Variants in RBL2 observed in about 807,000 individuals in gnomAD.
The protein encoded by RBL2 is RB transcriptional corepressor like 2.
A neutral mutation model predicts 126.0 loss-of-function variants in RBL2; 56 were observed. That is an observed-to-expected ratio of 0.44 (90% CI 0.36 to 0.56). The LOEUF is 0.56. Ranked by LOEUF, RBL2 falls within the 20% of genes least tolerant of loss-of-function variation. The probability of loss-of-function intolerance (pLI) is 0.00; values close to 1 mark genes in which losing one functional copy is unlikely to be tolerated. For missense variants in RBL2, 1,229 were observed against 1,398.2 expected (o/e 0.88, Z 1.93); for synonymous variants, 454 against 478.5 (o/e 0.95, Z 0.67).
intron 21 of RBL2, 149 bp downstream of exon 21, chr16:53,481,984 G>C (rs1960971344): frequency 1.5e-6 from 1 of 650,076 alleles, no homozygotes; most frequent in African/African-American, 2.0e-5. Context: ...AAAACCCAGG[G>C]TTTGTTTTGT....
intron 21 of RBL2, among the ~76,000 whole-genome samples, chr16:53,482,254 C>T (rs1224576629): frequency 6.6e-6 from 1 of 152,114 alleles, no homozygotes; most frequent in African/African-American, 2.4e-5. Context: ...CATTGCAGTG[C>T]AATAGTCATA....
In RBL2 at chr16:53,437,179, T is replaced by C. The variant is rs1403502874; in HGVS notation, c.241-1837T>C. Among the ~76,000 whole-genome samples, 6 of 152,326 alleles carry C rather than the reference T, an allele frequency of 3.9e-5. No individual in the cohort carries two copies. In the East Asian group the frequency reaches 1.2e-3, roughly 29 times the overall value. On this transcript the variant is annotated intron_variant, in intron 1 of 21. Transcript: ENST00000262133. ...TAATGCTGTGACCGACTTAACTTTA[T>C]GCTTTCTAAGAGATATTGATATAGT... is the stretch of plus-strand genomic sequence containing the variant.
intron 8 of RBL2, among the ~76,000 whole-genome samples, chr16:53,459,203 T>G (rs1181900665): frequency 6.6e-6 from 1 of 152,184 alleles, no homozygotes; most frequent in African/African-American, 2.4e-5. Flanking sequence ...AGACAAACTT[T>G]TAGTTAGCTA....
chr16:53,484,317 G>A (rs986645589), intron 21 of RBL2, among the ~76,000 whole-genome samples: 31 of 152,154 alleles, frequency 2.0e-4, no homozygotes, highest in African/African-American at 7.0e-4. Flanking sequence ...CTCAAAAGGT[G>A]GCTTAAAAAG....
chr16:53,451,653 G>A (rs778164259), intron 4 of RBL2, 50 bp from the exon 5 acceptor site: 3 of 1,573,210 alleles, frequency 1.9e-6, no homozygotes, highest in Non-Finnish European at 1.7e-6. Context: ...TTTTAAAAAT[G>A]TTACAAAGTC....
chr16:53,441,238 G>A (rs994481953), intron 2 of RBL2, among the ~76,000 whole-genome samples: 11 of 152,106 alleles, frequency 7.2e-5, no homozygotes, highest in African/African-American at 2.7e-4. Context: ...GGGATTACAG[G>A]CATGAGCCAC....
intron 19 of RBL2, 64 bp from the exon 20 acceptor site, chr16:53,480,503 A>G (rs1051680761): frequency 1.4e-6 from 2 of 1,417,964 alleles, no homozygotes; most frequent in African/African-American, 2.9e-5. Flanking sequence ...TCCTACTTTT[A>G]AAAAATTAAA....
chr16:53,445,697 C>T (rs1037877085), intron 3 of RBL2: 2 of 152,206 alleles, frequency 1.3e-5, no homozygotes, highest in East Asian at 3.8e-4. Context: ...ATTTGTTTAG[C>T]ACTTATCCAC....
chr16:53,455,714 C>G (rs191565856), intron 8 of RBL2, among the ~76,000 whole-genome samples: 1 of 152,028 alleles, frequency 6.6e-6, no homozygotes, highest in Non-Finnish European at 1.5e-5. Flanking sequence ...TGTCACACAC[C>G]AGAAGTAAGT....
intron 11 of RBL2, 30 bp downstream of exon 11, chr16:53,462,685 C>T (rs777076626): frequency 3.7e-6 from 5 of 1,369,230 alleles, no homozygotes; most frequent in South Asian, 2.6e-5. Flanking sequence ...TATTGATCAG[C>T]GCAATGAAAC....
At chr16:53,445,032 A>G (rs1409259068) in intron 3 of RBL2, among the ~76,000 whole-genome samples, 1 of 152,110 alleles carries the variant, frequency 6.6e-6, no homozygotes, top group African/African-American at 2.4e-5. Flanking sequence ...ATTCTAATTA[A>G]GAGAATTTTA....
chr16:53,471,369 A>AT (rs1265408232), intron 17 of RBL2, among the ~76,000 whole-genome samples: 2 of 152,244 alleles, frequency 1.3e-5, no homozygotes, highest in African/African-American at 4.8e-5. Flanking sequence ...CAGCAGTATA[A>AT]TAAAGATTTT....
At chr16:53,448,184 G>T (rs1412091824) in intron 4 of RBL2, among the ~76,000 whole-genome samples, 1 of 151,620 alleles carries the variant, frequency 6.6e-6, no homozygotes, top group African/African-American at 2.4e-5. Context: ...TTGAGATGGA[G>T]TCTCACTCTG....
chr16:53,437,820 G>T (rs898940850), intron 1 of RBL2, among the ~76,000 whole-genome samples: 1 of 151,974 alleles, frequency 6.6e-6, no homozygotes, highest in African/African-American at 2.4e-5. Flanking sequence ...GAGGTCAGGA[G>T]ATCAAGACCA....
intron 4 of RBL2, among the ~76,000 whole-genome samples, chr16:53,447,510 G>C (rs9938788): frequency 0.49 from 73,692 of 151,774 alleles, 18,708 homozygotes; most frequent in Middle Eastern, 0.62. Context: ...ATCTTGTTCA[G>C]ATAAGTATAC....
intron 2 of RBL2, among the ~76,000 whole-genome samples, chr16:53,442,284 T>C (rs1025603626): frequency 7.9e-5 from 12 of 152,146 alleles, no homozygotes; most frequent in Admixed American, 7.2e-4. Flanking sequence ...CCAACATGGG[T>C]GATAGAACGA....
At chr16:53,442,542 A>T in intron 2 of RBL2, 116 bp from the exon 3 acceptor site, 1 of 763,560 alleles carries the variant, frequency 1.3e-6, no homozygotes, top group Non-Finnish European at 2.0e-6. Context: ...ATTTTATTTC[A>T]CTGTCTAAAA....
At chr16:53,438,843 CAAAAAAAAAAAAAA>C (rs11302382) in intron 1 of RBL2, among the ~76,000 whole-genome samples, 159 bp from the exon 2 acceptor site, 15 of 30,526 alleles carry the variant, frequency 4.9e-4, no homozygotes, top group East Asian at 1.9e-3. Context: ...GATTCCATCT[CAAAAAAAAAAAAAA>C]AAAAAAAAAA....
Position 53,454,680 on chromosome 16 carries a change from G to A in RBL2, c.1017G>A (p.Glu339=). The change falls in exon 8 of 22, where the codon GAG becomes GAA. Residue 339 remains glutamate (E), a synonymous_variant. Coordinates refer to ENST00000262133, the MANE Select transcript of RBL2 (RefSeq NM_005611.4). The part of the protein sequence containing the change: ...ESFKAINKAY[E]EYVLSVGNLD... ...GTAAAGCCATCAATAAGGCCTATGAGGAGTATGTTTTATCTGTTGGGAATT... is the reference window on the plus strand; with the variant it reads ...GTAAAGCCATCAATAAGGCCTATGAAGAGTATGTTTTATCTGTTGGGAATT... 4 of 1,613,658 alleles carry A rather than the reference G, an allele frequency of 2.5e-6. No individual in the cohort carries two copies. Among genetic ancestry groups the A allele is most frequent in the Non-Finnish European group, 2.5e-6 (3 of 1,179,610 alleles).
Sources: allele counts gnomAD v4.1 joint callset (sites outside exome capture counted in the v4.1 genomes callset), GRCh38; gene constraint gnomAD v4.1.1; transcripts MANE v1.5; gene names NCBI Gene and HGNC (gene_info 2026-07-23, HGNC 2026-07-21).